Variants in C8orf88 observed in about 807,000 individuals in gnomAD.
C8orf88 encodes the protein uncharacterized protein C8orf88.
C8orf88 carries 14 observed loss-of-function variants against 18.4 expected under a neutral mutation model. That is an observed-to-expected ratio of 0.76 (90% confidence interval 0.50 to 1.19). The LOEUF (loss-of-function observed/expected upper bound fraction) is 1.19, where lower values mean the gene tolerates loss of function less well. Ranked by LOEUF, C8orf88 falls within the 50% of genes most tolerant of loss-of-function variation. The pLI is 0.00. For missense variants in C8orf88, 116 were observed against 134.7 expected, an observed-to-expected ratio of 0.86 and a Z score of 0.69; for synonymous variants, 45 against 42.9, an observed-to-expected ratio of 1.05 and a Z score of -0.19.
chr8:90,963,856 G>C (rs1039599956), intron 4 of C8orf88, among the ~76,000 whole-genome samples: 6 of 151,504 alleles, frequency 4.0e-5, no homozygotes. Flanking sequence ...TAAATAATGG[G>C]AGTCCCAGGA....
At chr8:90,967,193 T>C (rs1811213407) in intron 4 of C8orf88, among the ~76,000 whole-genome samples, 1 of 151,888 alleles carries the variant, frequency 6.6e-6, no homozygotes, top group Admixed American at 6.6e-5. Context: ...TGTTTTCCCC[T>C]GAATCCTGTT....
chr8:90,971,268 T>A (rs550182681), intron 3 of C8orf88, 127 bp from the exon 4 acceptor site: 5 of 426,540 alleles, frequency 1.2e-5, no homozygotes, highest in Non-Finnish European at 2.0e-5. Flanking sequence ...TAAGCAATCA[T>A]TATAAGTCTG....
chr8:90,963,437 GA>G (rs768822326), intron 4 of C8orf88, among the ~76,000 whole-genome samples: 1 of 151,422 alleles, frequency 6.6e-6, no homozygotes, highest in Non-Finnish European at 1.5e-5. Flanking sequence ...AGCATGCAAA[GA>G]ATGAAGAAAG....
intron 4 of C8orf88, among the ~76,000 whole-genome samples, chr8:90,963,893 G>T (rs1305430899): frequency 6.6e-6 from 1 of 151,216 alleles, no homozygotes; most frequent in Admixed American, 6.6e-5. Context: ...GAGAAGAAAT[G>T]ATATTTGAAG....
chr8:90,980,197 T>A (rs1811412662), intron 2 of C8orf88, among the ~76,000 whole-genome samples, 166 bp downstream of exon 2: 1 of 152,228 alleles, frequency 6.6e-6, no homozygotes, highest in Non-Finnish European at 1.5e-5. Context: ...GATTATAGAT[T>A]GGTAGGTAAT....
intron 3 of C8orf88, among the ~76,000 whole-genome samples, chr8:90,973,190 G>A (rs1324359745): frequency 2.6e-5 from 4 of 152,082 alleles, no homozygotes; most frequent in Non-Finnish European, 4.4e-5. Context: ...TCAGGGTATC[G>A]AACTTGGCTT....
intron 3 of C8orf88, among the ~76,000 whole-genome samples, chr8:90,978,237 T>C (rs747663691): frequency 1.3e-5 from 2 of 152,176 alleles, no homozygotes; most frequent in Non-Finnish European, 1.5e-5. Context: ...AAAACAATTA[T>C]ATTTATCATA....
At chr8:90,964,319 G>A (rs189110972) in intron 4 of C8orf88, among the ~76,000 whole-genome samples, 54 of 151,786 alleles carry the variant, frequency 3.6e-4, no homozygotes, top group African/African-American at 1.2e-3. Context: ...CAGATAAACA[G>A]CTGATTTCTC....
intron 1 of C8orf88, 91 bp from the exon 2 acceptor site, chr8:90,980,552 G>A: frequency 1.9e-6 from 1 of 531,868 alleles, no homozygotes; most frequent in Non-Finnish European, 3.2e-6. Flanking sequence ...TTTTTAAGAT[G>A]CCTATTTTAC....
In C8orf88 at chr8:90,985,194, C is replaced by T. The variant is rs983511065; in HGVS notation, c.-107G>A. The T allele has an allele frequency of 6.6e-6, 1 of 150,432 alleles. No individual in the cohort carries two copies. The highest frequency in any genetic ancestry group is 2.4e-5 in the African/African-American group (1 of 41,080). 9.3% of individuals were successfully genotyped at this position (150,432 alleles called of 1,614,324 possible). A position where few individuals can be genotyped will look rare whatever the true frequency, so the allele number is the denominator to read the frequency against. On this transcript the variant is annotated 5_prime_UTR_variant, in exon 1 of 6. Transcript: ENST00000517562. ...CGCGGAGGCCGAGCGCCCTGCTGCCCGTCGGGGAACGGCTCCTGCCGCTGG... is the reference window on the plus strand; with the variant it reads ...CGCGGAGGCCGAGCGCCCTGCTGCCTGTCGGGGAACGGCTCCTGCCGCTGG...
chr8:90,977,679 C>T (rs1004906611), intron 3 of C8orf88, among the ~76,000 whole-genome samples: 6 of 152,056 alleles, frequency 3.9e-5, no homozygotes, highest in East Asian at 3.9e-4. Context: ...CAGTGGCTCA[C>T]GCCTGTAATC....
At chr8:90,975,088 T>C (rs1811328429) in intron 3 of C8orf88, among the ~76,000 whole-genome samples, 1 of 152,190 alleles carries the variant, frequency 6.6e-6, no homozygotes, top group Non-Finnish European at 1.5e-5. Context: ...TCAAGGGATA[T>C]GTCATGTTAA....
chr8:90,971,228 T>A, intron 3 of C8orf88, 87 bp from the exon 4 acceptor site: 1 of 641,668 alleles, frequency 1.6e-6, no homozygotes, highest in Non-Finnish European at 2.5e-6. Flanking sequence ...ATTTTCCTAA[T>A]AATAAATGCA....
chr8:90,984,653 T>G (rs1273991681), intron 1 of C8orf88, among the ~76,000 whole-genome samples: 2 of 152,114 alleles, frequency 1.3e-5, no homozygotes, highest in African/African-American at 4.8e-5. Context: ...GTCCAGGTAA[T>G]AGGTGTCTGT....
At chr8:90,963,953 A>T (rs1043104782) in intron 4 of C8orf88, among the ~76,000 whole-genome samples, 1 of 151,594 alleles carries the variant, frequency 6.6e-6, no homozygotes, top group African/African-American at 2.4e-5. Flanking sequence ...AAGAATCTAT[A>T]CATCTAAGAA....
chr8:90,975,281 C>T (rs1010572528), intron 3 of C8orf88, among the ~76,000 whole-genome samples: 1 of 152,030 alleles, frequency 6.6e-6, no homozygotes, highest in African/African-American at 2.4e-5. Flanking sequence ...TTCAAGACAT[C>T]ATAAAGCTAC....
At chr8:90,964,365 C>T (rs1173845382) in intron 4 of C8orf88, among the ~76,000 whole-genome samples, 3 of 151,674 alleles carry the variant, frequency 2.0e-5, no homozygotes, top group Non-Finnish European at 4.4e-5. Flanking sequence ...CATGTGATGA[C>T]ATATTTAAAG....
chr8:90,961,536 A>G (rs1811127185), intron 4 of C8orf88, among the ~76,000 whole-genome samples: 1 of 151,360 alleles, frequency 6.6e-6, no homozygotes, highest in African/African-American at 2.4e-5. Context: ...CATGTGAAGG[A>G]AAGACATTTT....
At chr8:90,963,770 A>G (rs1382464133) in intron 4 of C8orf88, among the ~76,000 whole-genome samples, 1 of 151,656 alleles carries the variant, frequency 6.6e-6, no homozygotes, top group Non-Finnish European at 1.5e-5. Flanking sequence ...CAGTCTGAGG[A>G]GTAGAAAGAA....
Sources: allele counts gnomAD v4.1 joint callset (sites outside exome capture counted in the v4.1 genomes callset), GRCh38; gene constraint gnomAD v4.1.1; transcripts MANE v1.5; gene names NCBI Gene and HGNC (gene_info 2026-07-23, HGNC 2026-07-21).